Variants in RGS10 observed in about 807,000 individuals in gnomAD.
The protein encoded by RGS10 is regulator of G protein signaling 10.
A neutral mutation model predicts 23.5 loss-of-function variants in RGS10; 11 were observed. The observed-to-expected ratio is 0.47, with a 90% CI of 0.29 to 0.77. RGS10 has a LOEUF of 0.77. Among genes scored for constraint, RGS10 ranks in the 30% least tolerant of loss-of-function variants. The pLI is 0.08. For missense variants in RGS10, 180 were observed against 226.3 expected (o/e 0.80, Z 1.31); for synonymous variants, 77 against 83.2 (o/e 0.92, Z 0.41).
At chr10:119,515,676 G>T (rs1269847255) in intron 3 of RGS10, 24 bp from the exon 4 acceptor site, 1 of 1,613,376 alleles carries the variant, frequency 6.2e-7, no homozygotes. Flanking sequence ...ATGGGGCCTT[G>T]TGCTATCTGC....
At chr10:119,539,091 C>T (rs977317596) in intron 1 of RGS10, among the ~76,000 whole-genome samples, 1 of 152,220 alleles carries the variant, frequency 6.6e-6, no homozygotes, top group South Asian at 2.1e-4. Context: ...CTAGGTGGTG[C>T]CCAGAGCAGG....
At position 119,538,174 on chromosome 10, in the gene RGS10, G is replaced by A. The variant is rs1234014219; in HGVS notation, c.49+4416C>T. 6.6e-6 allele frequency among the ~76,000 whole-genome samples: 1 copy of A among 151,762 alleles called. No individual in the cohort carries two copies. Among genetic ancestry groups the A allele is most frequent in the African/African-American group, 2.4e-5 (1 of 41,052 alleles). Reference sequence around the variant, plus strand: ...GAAGGGAGGGAGGGAGTGGAGGAGAGAGGGATGGAGGAAGGGAGGAAAGTT... The same window carrying A: ...GAAGGGAGGGAGGGAGTGGAGGAGAAAGGGATGGAGGAAGGGAGGAAAGTT... On this transcript the variant is annotated intron_variant, in intron 1 of 4. Coordinates refer to ENST00000369103, the MANE Select transcript of RGS10 (RefSeq NM_001005339.2). This position sits in a 1 kb window ranked among gnomAD's most constrained non-coding sequence, Gnocchi z 4.5.
intron 3 of RGS10, among the ~76,000 whole-genome samples, chr10:119,525,505 T>C (rs1369716204): frequency 2.0e-5 from 3 of 152,184 alleles, no homozygotes; most frequent in African/African-American, 7.2e-5. Flanking sequence ...TAATCTCATC[T>C]ACCCTCCCTC....
chr10:119,526,159 T>A (rs773021239), intron 2 of RGS10, 41 bp from the exon 3 acceptor site: 362 of 962,146 alleles, frequency 3.8e-4, no homozygotes, highest in Non-Finnish European at 4.6e-4. Flanking sequence ...TATTCTACTT[T>A]AAAAAAAAAA....
At chr10:119,540,036 A>C (rs1844422507) in intron 1 of RGS10, among the ~76,000 whole-genome samples, 1 of 152,062 alleles carries the variant, frequency 6.6e-6, no homozygotes. Context: ...CCACAGGCCC[A>C]AATGACCCCT....
At chr10:119,519,980 G>A (rs1398249986) in intron 3 of RGS10, among the ~76,000 whole-genome samples, 3 of 152,128 alleles carry the variant, frequency 2.0e-5, no homozygotes, top group Non-Finnish European at 2.9e-5. Flanking sequence ...TTAACACAAA[G>A]GAACAGAGTG....
chr10:119,532,053 T>C (rs1277568950), intron 1 of RGS10, among the ~76,000 whole-genome samples: 1 of 152,158 alleles, frequency 6.6e-6, no homozygotes, highest in Non-Finnish European at 1.5e-5. Context: ...TCTGTCCCCA[T>C]AAGTGGAATA....
chr10:119,500,140 T>C lies in RGS10; in HGVS notation c.519A>G (p.Lys173=), dbSNP rs766249787. 2 of 1,613,794 alleles carry C rather than the reference T, an allele frequency of 1.2e-6. No individual in the cohort carries two copies. Among genetic ancestry groups the C allele is most frequent in the Admixed American group, 3.3e-5 (2 of 59,942 alleles). The part of the protein sequence containing the change: ...EDLPDAQTAA[K]RASRIYNT Reference sequence around the variant, plus strand: ...ATGTGTTATAAATTCTGGAAGCTCTTTTAGCTGCAGTTTGAGCATCAGGCA... The same window carrying C: ...ATGTGTTATAAATTCTGGAAGCTCTCTTAGCTGCAGTTTGAGCATCAGGCA... Residue 173 remains lysine (K), a synonymous_variant, in exon 5 of 5, where the codon AAA becomes AAG. Coordinates refer to ENST00000369103, the MANE Select transcript of RGS10 (RefSeq NM_001005339.2).
At chr10:119,514,765 AC>A (rs1347998646) in intron 4 of RGS10, among the ~76,000 whole-genome samples, 2 of 152,126 alleles carry the variant, frequency 1.3e-5, no homozygotes, top group African/African-American at 4.8e-5. Context: ...CAGGTTCGCA[AC>A]CCTGGCTGCA....
rs892265145 is a variant in RGS10, at chr10:119,506,761, C to T, written c.400-6502G>A. Among the ~76,000 whole-genome samples the T allele has an allele frequency of 1.1e-4, 16 of 152,264 alleles. 1 individual carries two copies. Among genetic ancestry groups the T allele is most frequent in the African/African-American group, 3.6e-4 (15 of 41,548 alleles). On this transcript the variant is annotated intron_variant, in intron 4 of 4. Coordinates refer to ENST00000369103, the MANE Select transcript of RGS10 (RefSeq NM_001005339.2). The stretch of plus-strand genomic sequence containing the variant: ...CTGTCGCCAGGCTGGAGTGCAGCGG[C>T]GCGATCTCAGCTCACCGCAACCTCC...
At chr10:119,540,910 C>A (rs1303343377) in intron 1 of RGS10, among the ~76,000 whole-genome samples, 1 of 152,218 alleles carries the variant, frequency 6.6e-6, no homozygotes, top group Non-Finnish European at 1.5e-5. Flanking sequence ...ATGAAACCCA[C>A]TTTGCAGGTG....
chr10:119,504,891 T>C (rs752509214), intron 4 of RGS10, among the ~76,000 whole-genome samples: 6 of 152,182 alleles, frequency 3.9e-5, no homozygotes, highest in Non-Finnish European at 8.8e-5. Flanking sequence ...TGCCAACACC[T>C]TGATGTCATA....
rs191800899 is a variant in RGS10 at position 119,517,209 on chromosome 10, G to C, written c.256-1557C>G. Among the ~76,000 whole-genome samples, 15 of 152,382 alleles carry C rather than the reference G, an allele frequency of 9.8e-5. No individual in the cohort carries two copies. Among genetic ancestry groups the C allele is most frequent in the African/African-American group, 3.1e-4 (13 of 41,584 alleles). On this transcript the variant is annotated intron_variant, in intron 3 of 4. Transcript: ENST00000369103. The surrounding 1 kb of genome is among the most constrained non-coding windows in gnomAD (Gnocchi z 5.0). The stretch of plus-strand genomic sequence containing the variant: ...CAGGGCACTGGGGACAAAAGATCCT[G>C]AGAAGCCACGGCCTGGCCATGTCCT...
chr10:119,521,063 T>C (rs1375909891), intron 3 of RGS10, among the ~76,000 whole-genome samples: 1 of 152,186 alleles, frequency 6.6e-6, no homozygotes, highest in African/African-American at 2.4e-5. Context: ...TGAACAGTTT[T>C]AGAATACTAG....
intron 3 of RGS10, among the ~76,000 whole-genome samples, chr10:119,523,673 A>T: frequency 6.6e-6 from 1 of 152,114 alleles, no homozygotes; most frequent in East Asian, 1.9e-4. Flanking sequence ...TCAAAAAAGG[A>T]AAAGAAGTCC....
chr10:119,520,423 G>C (rs758890639), intron 3 of RGS10, among the ~76,000 whole-genome samples: 1 of 152,098 alleles, frequency 6.6e-6, no homozygotes, highest in South Asian at 2.1e-4. Context: ...GAGGGCGGCA[G>C]AAAGAAGCCA....
Position 119,527,173 on chromosome 10 carries a change from G to A in RGS10, c.168+133C>T. 1.6e-6 allele frequency: 1 copy of A among 638,872 alleles called. No individual in the cohort carries two copies. The highest frequency in any genetic ancestry group is 2.8e-6 in the Non-Finnish European group (1 of 358,810). 39.6% of individuals were successfully genotyped at this position (638,872 alleles called of 1,614,324 possible). On this transcript the variant is annotated intron_variant, in intron 2 of 4. Transcript: ENST00000369103. The surrounding 1 kb of genome is among the most constrained non-coding windows in gnomAD (Gnocchi z 4.2). ...TCTCACCCTCAAGCTGGGATAGACAGTACTGAACTCTCAAGCTGGCATAGA... is the reference window on the plus strand; with the variant it reads ...TCTCACCCTCAAGCTGGGATAGACAATACTGAACTCTCAAGCTGGCATAGA...
chr10:119,542,475 G>T, intron 1 of RGS10, 115 bp downstream of exon 1: 1 of 904,114 alleles, frequency 1.1e-6, no homozygotes, highest in Non-Finnish European at 1.5e-6. Flanking sequence ...GTCGGCCGGG[G>T]CTCCAGTCTG....
chr10:119,502,026 C>T (rs933016083), intron 4 of RGS10, among the ~76,000 whole-genome samples: 6 of 152,140 alleles, frequency 3.9e-5, no homozygotes, highest in Admixed American at 2.0e-4. Context: ...AGCTGCTCAG[C>T]AAGACCCTGC....
Sources: allele counts gnomAD v4.1 joint callset (sites outside exome capture counted in the v4.1 genomes callset), GRCh38; gene constraint gnomAD v4.1.1; non-coding constraint Gnocchi (gnomAD v3.1); transcripts MANE v1.5; gene names NCBI Gene and HGNC (gene_info 2026-07-23, HGNC 2026-07-21).